Variants in HSPG2 observed in about 807,000 individuals in gnomAD.
HSPG2 encodes the protein basement membrane-specific heparan sulfate proteoglycan core protein.
A neutral mutation model predicts 526.6 loss-of-function variants in HSPG2; 278 were observed. The ratio of observed to expected loss-of-function variants is 0.53; its 90% confidence interval spans 0.48 to 0.58. The LOEUF is 0.58. Ranked by LOEUF, HSPG2 falls within the 20% of genes least tolerant of loss-of-function variation. The pLI is 0.00. For missense variants in HSPG2, 5,354 were observed against 6,099.5 expected (o/e 0.88, Z 4.07); for synonymous variants, 2,465 against 2,555.4 (o/e 0.96, Z 1.07).
At chr1:21,868,954 G>A (rs931815238) in intron 33 of HSPG2, 8 of 977,418 alleles carry the variant, frequency 8.2e-6, no homozygotes, top group East Asian at 1.2e-4. Flanking sequence ...AGAAGCCTTC[G>A]TAGGAGAGAG....
At chr1:21,873,236 G>T in intron 30 of HSPG2, 139 bp downstream of exon 30, 1 of 1,176,136 alleles carries the variant, frequency 8.5e-7, no homozygotes, top group Non-Finnish European at 1.3e-6. Context: ...AGGTGGTGGG[G>T]CCTTCTCCTA....
rs2097956619 is a variant in HSPG2, at chr1:21,823,260, C to T, written c.*56G>A. On this transcript the variant is annotated 3_prime_UTR_variant, in exon 97 of 97. Transcript: ENST00000374695. Reference sequence around the variant, plus strand: ...TCATAATAATATTAATAATAATATACTCGACATTGTCGGGCTGGGGCGTGG... The same window carrying T: ...TCATAATAATATTAATAATAATATATTCGACATTGTCGGGCTGGGGCGTGG... 3.6e-6 allele frequency: 5 copies of T among 1,372,114 alleles called. No homozygotes were observed. The highest frequency in any genetic ancestry group is 2.9e-5 in the African/African-American group (2 of 68,354). The allele number at this position is 1,372,114 out of a possible 1,614,324, so 85.0% of individuals were successfully genotyped here.
chr1:21,841,998 T>C lies in HSPG2; in HGVS notation c.9193+4A>G. Reference sequence around the variant, plus strand: ...TTGCCCACCTGCCCACCAGCCTGGCTCACCCTCCAGCTCCTGGTTCCGGGT... The same window carrying C: ...TTGCCCACCTGCCCACCAGCCTGGCCCACCCTCCAGCTCCTGGTTCCGGGT... On this transcript the variant is annotated splice_donor_region_variant and intron_variant, in intron 69 of 96. Coordinates refer to ENST00000374695, the MANE Select transcript of HSPG2 (RefSeq NM_005529.7). 6.2e-7 allele frequency: 1 copy of C among 1,613,140 alleles called. No individual in the cohort carries two copies. Among genetic ancestry groups the C allele is most frequent in the South Asian group, 1.1e-5 (1 of 91,048 alleles).
In HSPG2 at chr1:21,859,740, C is replaced by G; in HGVS notation, c.5183-64G>C. ...ACTCTTTCTCACATCCAGCCCCATG[C>G]ACAAGGACAGCATCCCACTAGGGCA... On this transcript the variant is annotated intron_variant, in intron 41 of 96. Transcript: ENST00000374695. This position sits in a 1 kb window ranked among gnomAD's most constrained non-coding sequence, Gnocchi z 5.3. The G allele has an allele frequency of 6.3e-7, 1 of 1,583,822 alleles. No homozygotes were observed. The highest frequency in any genetic ancestry group is 8.6e-7 in the Non-Finnish European group (1 of 1,163,172).
chr1:21,853,463 G>A, intron 50 of HSPG2: 1 of 229,782 alleles, frequency 4.4e-6, no homozygotes, highest in Non-Finnish European at 8.6e-6. Context: ...ACCATGACTG[G>A]CCAGGCGCGG....
intron 65 of HSPG2, 30 bp downstream of exon 65, chr1:21,844,118 G>A (rs1638229518): frequency 6.2e-7 from 1 of 1,610,998 alleles, no homozygotes. Context: ...AGGTGTGGAG[G>A]ATGCATGCAT....
At position 21,853,048 on chromosome 1, in the gene HSPG2, G is replaced by T; in HGVS notation, c.6462C>A (p.Ile2154=). ...YTPVPGSTRP[I]RIEPSSSHVA... ...CGTGTGAGGAGGAGGGCTCGATGCG[G>T]ATGGGCCGGGTGCTGCCGGGCACTG... Residue 2154 remains isoleucine, a synonymous_variant, in exon 51 of 97, where the codon ATC becomes ATA. Transcript: ENST00000374695. 1.2e-6 allele frequency: 2 copies of T among 1,613,922 alleles called. No individual in the cohort carries two copies. The highest frequency in any genetic ancestry group is 1.7e-6 in the Non-Finnish European group (2 of 1,179,946).
rs1399665180 is a variant in HSPG2, at chr1:21,847,580, T to A, written c.8026-88A>T. 2 of 1,602,524 alleles carry A rather than the reference T, an allele frequency of 1.2e-6. No individual in the cohort carries two copies. The highest frequency in any genetic ancestry group is 2.2e-5 in the East Asian group (1 of 44,812). On this transcript the variant is annotated intron_variant, in intron 61 of 96. Coordinates refer to ENST00000374695, the MANE Select transcript of HSPG2 (RefSeq NM_005529.7). This position sits in a 1 kb window ranked among gnomAD's most constrained non-coding sequence, Gnocchi z 4.1. The stretch of plus-strand genomic sequence containing the variant: ...GCTCAGGCCTTCCTGCTCAGCCTGT[T>A]GAGGCTGCTATCGGTCTACCCAGGG...
intron 3 of HSPG2, among the ~76,000 whole-genome samples, chr1:21,892,997 C>A (rs539792066): frequency 1.5e-4 from 23 of 152,290 alleles, no homozygotes; most frequent in South Asian, 1.0e-3. Flanking sequence ...CTCCTCTCAC[C>A]CTATCTGGTG....
At chr1:21,871,491 A>G (rs1640648941) in intron 33 of HSPG2, among the ~76,000 whole-genome samples, 1 of 151,976 alleles carries the variant, frequency 6.6e-6, no homozygotes, top group Non-Finnish European at 1.5e-5. Flanking sequence ...CAAACTCCTG[A>G]GCTCAAGTGG....
intron 6 of HSPG2, among the ~76,000 whole-genome samples, chr1:21,888,363 C>G (rs1642098007): frequency 6.6e-6 from 1 of 152,382 alleles, no homozygotes; most frequent in East Asian, 1.9e-4. Context: ...CCAGTGAGGA[C>G]AAAGAAGGAG....
At position 21,861,298 on chromosome 1, in the gene HSPG2, G is replaced by A. The variant is rs369375265; in HGVS notation, c.4955+459C>T. Among the ~76,000 whole-genome samples, 12 of 152,230 alleles carry A rather than the reference G, an allele frequency of 7.9e-5. 1 individual carries two copies. Among genetic ancestry groups the A allele is most frequent in the African/African-American group, 2.4e-4 (10 of 41,554 alleles). On this transcript the variant is annotated intron_variant, in intron 39 of 96. Coordinates refer to ENST00000374695, the MANE Select transcript of HSPG2 (RefSeq NM_005529.7). ...GGCTAAGGGGAAGTTAGCCAGGAAC[G>A]GGTGGTTTAGGGGTGAAGACTGTTC...
chr1:21,884,974 C>T (rs1265107150), intron 11 of HSPG2, 39 bp downstream of exon 11: 4 of 1,613,804 alleles, frequency 2.5e-6, no homozygotes, highest in East Asian at 4.5e-5. Context: ...GACCAGCTGC[C>T]CCTCATTCCC....
intron 66 of HSPG2, 103 bp from the exon 67 acceptor site, chr1:21,843,024 C>T (rs1018851061): frequency 3.8e-5 from 52 of 1,379,414 alleles, no homozygotes; most frequent in African/African-American, 8.5e-5. Context: ...CCTGGGGGCG[C>T]GGTGGCTTGA....
chr1:21,887,305 A>G lies in HSPG2; in HGVS notation c.988T>C (p.Phe330Leu). The change falls in exon 9 of 97, where the codon TTC (phenylalanine) becomes CTC (leucine). Residue 330 changes from phenylalanine to leucine, a missense_variant. Transcript: ENST00000374695. This position sits in a 1 kb window ranked among gnomAD's most constrained non-coding sequence, Gnocchi z 5.0. Reference protein sequence around the residue: ...GPPPPCEPNEFPCGNGHCALK... With the variant: ...GPPPPCEPNELPCGNGHCALK... ...GCACAATGTCCATTCCCGCAGGGGA[A>G]CTCGTTGGGCTCACAGGGTGGCGGG... is the stretch of plus-strand genomic sequence containing the variant. 6.2e-7 allele frequency: 1 copy of G among 1,613,780 alleles called. No homozygotes were observed. The highest frequency in any genetic ancestry group is 2.2e-5 in the East Asian group (1 of 44,860).
In HSPG2 at chr1:21,855,650, C is replaced by T. The variant is rs1440296484; in HGVS notation, c.5727G>A (p.Ala1909=). Residue 1909 remains alanine, a synonymous_variant, in exon 46 of 97, where the codon GCG becomes GCA. Transcript: ENST00000374695. Reference sequence around the variant, plus strand: ...GGATGCCGCCGTGGATTTGTGCCTTCGCAGGGAGCTGGCCGCCGGGGCCCC... The same window carrying T: ...GGATGCCGCCGTGGATTTGTGCCTTTGCAGGGAGCTGGCCGCCGGGGCCCC... ...WTGGPGGQLP[A]KAQIHGGILR... The T allele has an allele frequency of 5.1e-6, 8 of 1,574,952 alleles. No homozygotes were observed. The highest frequency in any genetic ancestry group is 4.6e-5 in the East Asian group (2 of 43,250).
At chr1:21,906,633 G>A (rs755007055) in intron 1 of HSPG2, among the ~76,000 whole-genome samples, 8 of 151,780 alleles carry the variant, frequency 5.3e-5, no homozygotes, top group Non-Finnish European at 8.8e-5. Flanking sequence ...GGGAATAGGC[G>A]CGGGGGAGAC....
In HSPG2 at chr1:21,850,510, G is replaced by C. The variant is rs751605962; in HGVS notation, c.7159-12C>G. 1.2e-6 allele frequency: 2 copies of C among 1,601,970 alleles called. No individual in the cohort carries two copies. Among genetic ancestry groups the C allele is most frequent in the African/African-American group, 2.7e-5 (2 of 74,748 alleles). ...AGGGAGCCGTGGGTCTGGCCAGAAT[G>C]GGGGTGAGTCAGAGGGAGCCCTCAG... On this transcript the variant is annotated splice_polypyrimidine_tract_variant and intron_variant, in intron 55 of 96. Coordinates refer to ENST00000374695, the MANE Select transcript of HSPG2 (RefSeq NM_005529.7).
In HSPG2 at chr1:21,864,773, G is replaced by A. The variant is rs1002407437; in HGVS notation, c.4626+70C>T. On this transcript the variant is annotated intron_variant, in intron 36 of 96. Transcript: ENST00000374695. The surrounding 1 kb of genome is among the most constrained non-coding windows in gnomAD (Gnocchi z 4.8). ...TTATGATGGTAATCAAGGCTGCGGC[G>A]ACGCCGGCTGATTTGCTTGCTGATG... 21 of 1,311,294 alleles carry A rather than the reference G, an allele frequency of 1.6e-5. No individual in the cohort carries two copies. Among genetic ancestry groups the A allele is most frequent in the African/African-American group, 2.9e-5 (2 of 68,800 alleles). 81.2% of individuals were successfully genotyped at this position (1,311,294 alleles called of 1,614,324 possible).
Sources: allele counts gnomAD v4.1 joint callset (sites outside exome capture counted in the v4.1 genomes callset), GRCh38; gene constraint gnomAD v4.1.1; non-coding constraint Gnocchi (gnomAD v3.1); transcripts MANE v1.5; gene names NCBI Gene and HGNC (gene_info 2026-07-23, HGNC 2026-07-21).